ANKRD30A: variants seen among roughly 807,000 people sequenced by gnomAD.
The protein encoded by ANKRD30A is ankyrin repeat domain-containing protein 30A.
ANKRD30A carries 170 observed loss-of-function variants against 166.3 expected under a neutral mutation model. That is an observed-to-expected ratio of 1.02 (90% CI 0.90 to 1.16). The LOEUF (loss-of-function observed/expected upper bound fraction) is 1.16, where lower values mean the gene tolerates loss of function less well. ANKRD30A is among the 50% of genes most tolerant of loss of function. The pLI, the probability that ANKRD30A is intolerant of heterozygous loss-of-function variation, is 0.00. For synonymous variants in ANKRD30A, 564 were observed against 508.9 expected, an observed-to-expected ratio of 1.11 and a Z score of -1.46; for missense variants, 1,630 against 1,518.0, an observed-to-expected ratio of 1.07 and a Z score of -1.23.
chr10:37,167,003 G>C (rs1446306467), intron 19 of ANKRD30A, among the ~76,000 whole-genome samples: 1 of 152,094 alleles, frequency 6.6e-6, no homozygotes, highest in Non-Finnish European at 1.5e-5. Context: ...AGCATACAGA[G>C]AGTACATGAA....
At chr10:37,140,247 G>A (rs1837008338) in intron 6 of ANKRD30A, among the ~76,000 whole-genome samples, 1 of 152,116 alleles carries the variant, frequency 6.6e-6, no homozygotes. Flanking sequence ...CTGTTAGTGG[G>A]CTCCTACAGT....
chr10:37,230,606 A>G (rs559182701), intron 34 of ANKRD30A, among the ~76,000 whole-genome samples: 3 of 152,210 alleles, frequency 2.0e-5, no homozygotes, highest in East Asian at 3.9e-4. Flanking sequence ...TTAGAGGATT[A>G]AAATTGAGAC....
chr10:37,219,369 A>G lies in ANKRD30A; in HGVS notation c.3657A>G (p.Gln1219=). 1 of 1,610,604 alleles carries G rather than the reference A, an allele frequency of 6.2e-7. No homozygotes were observed. The highest frequency in any genetic ancestry group is 1.7e-5 in the Admixed American group (1 of 59,674). ...HDQIVTSRKS[Q]EPAFHIAGDA... is the part of the protein sequence containing the mutation. ...AAATTGTGACATCAAGAAAAAGTCA[A>G]GAACCTGCTTTCCACATTGCAGGAG... The change falls in exon 34 of 36, where the codon CAA becomes CAG. Residue 1219 remains glutamine (Q), a synonymous_variant. Coordinates refer to ENST00000361713, the MANE Select transcript of ANKRD30A (RefSeq NM_052997.3).
chr10:37,194,513 T>C (rs982539208), intron 27 of ANKRD30A, among the ~76,000 whole-genome samples: 2 of 151,992 alleles, frequency 1.3e-5, no homozygotes, highest in Non-Finnish European at 2.9e-5. Context: ...GCTAATGTTT[T>C]GTATTTTTAG....
chr10:37,217,568 G>A, intron 32 of ANKRD30A, 127 bp from the exon 33 acceptor site: 1 of 700,418 alleles, frequency 1.4e-6, no homozygotes, highest in Non-Finnish European at 2.1e-6. Context: ...CTGAGAACTA[G>A]GAAGAAAAAA....
chr10:37,199,764 T>G lies in ANKRD30A; in HGVS notation c.2754T>G (p.Val918=), dbSNP rs1327604883. ...CTTCAGAATCAAAACAAAAGAAGGT[T>G]GAAGAAAATTCTTGGGATTCTGAGG... ...MFPSESKQKK[V]EENSWDSESL... The change falls in exon 30 of 36, where the codon GTT becomes GTG. Residue 918 remains valine, a synonymous_variant. Transcript: ENST00000361713. The G allele has an allele frequency of 1.9e-6, 3 of 1,574,944 alleles. No homozygotes were observed. The highest frequency in any genetic ancestry group is 2.3e-5 in the South Asian group (2 of 88,574).
At chr10:37,226,103 TTA>T (rs529229921) in intron 34 of ANKRD30A, among the ~76,000 whole-genome samples, 428 of 149,542 alleles carry the variant, frequency 2.9e-3, no homozygotes, top group Middle Eastern at 0.021. Flanking sequence ...TTCTTTTTAT[TTA>T]TATATATATA....
the ANKRD30A span, among the ~76,000 whole-genome samples, chr10:37,252,389 A>G: frequency 6.6e-6 from 1 of 152,182 alleles, no homozygotes. Context: ...ATGCTCCTAT[A>G]AGATCAGGTA....
chr10:37,162,976 C>G (rs1169619739), intron 17 of ANKRD30A, 128 bp downstream of exon 17: 7 of 1,190,378 alleles, frequency 5.9e-6, no homozygotes, highest in South Asian at 1.6e-5. Context: ...AATGCCAATA[C>G]TGGTATTGAT....
chr10:37,154,740 G>T (rs887129105), intron 13 of ANKRD30A, among the ~76,000 whole-genome samples: 3 of 152,098 alleles, frequency 2.0e-5, no homozygotes, highest in African/African-American at 7.2e-5. Flanking sequence ...GATGATTTTG[G>T]ATTTTCTATG....
intron 25 of ANKRD30A, among the ~76,000 whole-genome samples, chr10:37,192,735 T>C (rs1564542529): frequency 6.6e-6 from 1 of 152,084 alleles, no homozygotes; most frequent in Non-Finnish European, 1.5e-5. Flanking sequence ...CTTGGTCATC[T>C]TATTAAATAC....
the ANKRD30A span, among the ~76,000 whole-genome samples, chr10:37,261,487 G>A: frequency 2.7e-3 from 418 of 152,166 alleles, no homozygotes; most frequent in Middle Eastern, 0.017. Flanking sequence ...AATTAAAGAT[G>A]AATCATAAAT....
intron 35 of ANKRD30A, among the ~76,000 whole-genome samples, chr10:37,232,202 A>T (rs778103048): frequency 2.6e-5 from 4 of 151,890 alleles, no homozygotes; most frequent in Admixed American, 6.6e-5. Context: ...CACTTAAATG[A>T]TTCATTTTTG....
chr10:37,127,077 A>AAAAAAAAAAAAAAAAAC (rs1836078581), intron 1 of ANKRD30A, among the ~76,000 whole-genome samples: 1 of 141,094 alleles, frequency 7.1e-6, no homozygotes, highest in East Asian at 2.0e-4. Context: ...AAAAAAAAAA[A>AAAAAAAAAAAAAAAAAC]AAAAAAAATC....
intron 21 of ANKRD30A, among the ~76,000 whole-genome samples, chr10:37,172,669 C>T (rs1332139528): frequency 3.1e-5 from 4 of 129,364 alleles, no homozygotes; most frequent in African/African-American, 1.2e-4. Flanking sequence ...ACTTCAGATG[C>T]ATGTAGATTA....
chr10:37,191,917 C>A (rs1344328994), intron 25 of ANKRD30A, among the ~76,000 whole-genome samples: 1 of 152,038 alleles, frequency 6.6e-6, no homozygotes, highest in Non-Finnish European at 1.5e-5. Flanking sequence ...ATGGCGTGAA[C>A]CCGCGAGGCG....
chr10:37,139,773 G>T (rs1403463017), intron 6 of ANKRD30A, among the ~76,000 whole-genome samples: 2 of 152,106 alleles, frequency 1.3e-5, no homozygotes, highest in African/African-American at 4.8e-5. Flanking sequence ...ATTTTGCCCA[G>T]GTTGATATTG....
intron 11 of ANKRD30A, among the ~76,000 whole-genome samples, chr10:37,150,609 G>A (rs920230902): frequency 6.6e-6 from 1 of 151,952 alleles, no homozygotes; most frequent in Non-Finnish European, 1.5e-5. Context: ...GTTGTACGGT[G>A]TAATGTTCAG....
At chr10:37,211,383 G>T (rs1258017057) in intron 31 of ANKRD30A, among the ~76,000 whole-genome samples, 1 of 151,988 alleles carries the variant, frequency 6.6e-6, no homozygotes, top group Non-Finnish European at 1.5e-5. Flanking sequence ...AACATGTGGT[G>T]TTTGGTTTTC....
Sources: gnomAD v4.1 joint callset for allele counts (sites outside exome capture counted in the v4.1 genomes callset) on GRCh38, gnomAD v4.1.1 for gene constraint, MANE v1.5 for transcripts, NCBI Gene and HGNC (gene_info 2026-07-23, HGNC 2026-07-21) for gene names.